KIF13A: variants seen among roughly 807,000 people sequenced by gnomAD.
The protein encoded by KIF13A is kinesin-like protein KIF13A.
KIF13A carries 79 observed loss-of-function variants against 212.2 expected under a neutral mutation model. The ratio of observed to expected loss-of-function variants is 0.37; its 90% CI spans 0.31 to 0.45. The LOEUF (loss-of-function observed/expected upper bound fraction) is 0.45, where lower values mean the gene tolerates loss of function less well. Among genes scored for constraint, KIF13A ranks in the 20% least tolerant of loss-of-function variants. KIF13A has a pLI of 1.00. For synonymous variants in KIF13A, 789 were observed against 808.6 expected, an observed-to-expected ratio of 0.98 and a Z score of 0.41; for missense variants, 1,901 against 2,209.0, an observed-to-expected ratio of 0.86 and a Z score of 2.79.
intron 9 of KIF13A, among the ~76,000 whole-genome samples, chr6:17,841,860 G>A (rs1025272249): frequency 1.3e-5 from 2 of 151,912 alleles, no homozygotes; most frequent in African/African-American, 2.4e-5. Context: ...ATGATGCAGG[G>A]GCTTCTGGAA....
chr6:17,951,422 T>A lies in KIF13A; in HGVS notation c.146+35632A>T, dbSNP rs1360757425. On this transcript the variant is annotated intron_variant, in intron 2 of 38. Coordinates refer to ENST00000259711, the MANE Select transcript of KIF13A (RefSeq NM_022113.6). This position sits in a 1 kb window ranked among gnomAD's most constrained non-coding sequence, Gnocchi z 4.9. ...CTGGAATTAGAGATGTGAGCCACTG[T>A]GACCAGCCTCAATTTAAAAAAAAAA... is the stretch of plus-strand genomic sequence containing the variant. 1 of 575,522 alleles carries A rather than the reference T, an allele frequency of 1.7e-6. No individual in the cohort carries two copies. Among genetic ancestry groups the A allele is most frequent in the Non-Finnish European group, 3.1e-6 (1 of 323,694 alleles). The allele number at this position is 575,522 out of a possible 1,614,324, so 35.7% of individuals were successfully genotyped here.
intron 2 of KIF13A, among the ~76,000 whole-genome samples, chr6:17,977,114 CAAAAAAAA>C (rs398000718): frequency 3.8e-4 from 41 of 106,664 alleles, no homozygotes; most frequent in African/African-American, 9.3e-4. Flanking sequence ...AAAACAACAA[CAAAAAAAA>C]AAAAAAAAAA....
At position 17,794,140 on chromosome 6, in the gene KIF13A, G is replaced by A; in HGVS notation, c.3222+109C>T. ...CAATGGATGGAAATGTGAACTGGGG[G>A]AAGATCTACGGTTAAGGCAAAGAGT... On this transcript the variant is annotated intron_variant, in intron 25 of 38. Coordinates refer to ENST00000259711, the MANE Select transcript of KIF13A (RefSeq NM_022113.6). This position sits in a 1 kb window ranked among gnomAD's most constrained non-coding sequence, Gnocchi z 4.1. 1 of 770,284 alleles carries A rather than the reference G, an allele frequency of 1.3e-6. No homozygotes were observed. 47.7% of individuals were successfully genotyped at this position (770,284 alleles called of 1,614,324 possible).
chr6:17,818,562 C>G (rs1764152582), intron 16 of KIF13A, among the ~76,000 whole-genome samples: 1 of 152,154 alleles, frequency 6.6e-6, no homozygotes, highest in Non-Finnish European at 1.5e-5. Context: ...ATAAAAATGA[C>G]AACCACAATG....
intron 2 of KIF13A, among the ~76,000 whole-genome samples, chr6:17,938,922 C>G (rs1004473468): frequency 1.3e-5 from 2 of 151,764 alleles, no homozygotes; most frequent in African/African-American, 2.4e-5. Context: ...TTCAATTTAG[C>G]CAACCAATCT....
chr6:17,760,197 TTGTCTTA>T (rs1328902172), downstream of KIF13A: 2 of 152,166 alleles, frequency 1.3e-5, no homozygotes, highest in Non-Finnish European at 2.9e-5. Context: ...AGCAAAAATG[TTGTCTTA>T]TGTAAGTTCT....
intron 4 of KIF13A, among the ~76,000 whole-genome samples, chr6:17,870,380 T>C (rs116153984): frequency 0.02 from 3,095 of 152,172 alleles, 45 homozygotes; most frequent in Non-Finnish European, 0.033. Context: ...CTATCTGTAA[T>C]GAAGAGCTAC....
rs1465398929 is a variant in KIF13A at position 17,871,094 on chromosome 6, G to C, written c.220+2283C>G. Among the ~76,000 whole-genome samples the C allele has an allele frequency of 6.6e-6, 1 of 152,154 alleles. No homozygotes were observed. Among genetic ancestry groups the C allele is most frequent in the Non-Finnish European group, 1.5e-5 (1 of 68,016 alleles). The stretch of plus-strand genomic sequence containing the variant: ...TGACACATGTCACTTCCTCTTGTCT[G>C]GATGCCTTCTAGGCTTCCCTTTGAC... On this transcript the variant is annotated intron_variant, in intron 4 of 38. Coordinates refer to ENST00000259711, the MANE Select transcript of KIF13A (RefSeq NM_022113.6). This position sits in a 1 kb window ranked among gnomAD's most constrained non-coding sequence, Gnocchi z 4.4.
intron 2 of KIF13A, among the ~76,000 whole-genome samples, chr6:17,975,563 G>A (rs1448498415): frequency 2.6e-5 from 4 of 152,150 alleles, no homozygotes; most frequent in Non-Finnish European, 5.9e-5. Context: ...AAAGCTTCCA[G>A]TACAGAACAA....
rs1297407018 is a variant in KIF13A, at chr6:17,781,312, C to T, written c.3545-11G>A. On this transcript the variant is annotated splice_polypyrimidine_tract_variant and intron_variant, in intron 29 of 38. Coordinates refer to ENST00000259711, the MANE Select transcript of KIF13A (RefSeq NM_022113.6). Reference sequence around the variant, plus strand: ...CACTGAGGTCATCCGCTAACCACATCAGGAGCACAGAAAAAACAGTAGGGG... The same window carrying T: ...CACTGAGGTCATCCGCTAACCACATTAGGAGCACAGAAAAAACAGTAGGGG... The T allele has an allele frequency of 1.9e-6, 3 of 1,557,898 alleles. No individual in the cohort carries two copies. The highest frequency in any genetic ancestry group is 2.6e-6 in the Non-Finnish European group (3 of 1,157,480).
At chr6:17,880,162 C>G (rs977860716) in intron 3 of KIF13A, among the ~76,000 whole-genome samples, 2 of 152,106 alleles carry the variant, frequency 1.3e-5, no homozygotes, top group Non-Finnish European at 2.9e-5. Context: ...CTGTGTTGCC[C>G]AAGCTAGTCT....
chr6:17,976,332 G>T (rs966643937), intron 2 of KIF13A, among the ~76,000 whole-genome samples: 1 of 152,352 alleles, frequency 6.6e-6, no homozygotes, highest in South Asian at 2.1e-4. Flanking sequence ...GCCCTGCCCC[G>T]CTGTAAGGCA....
chr6:17,865,394 G>C (rs1769262707), intron 4 of KIF13A, among the ~76,000 whole-genome samples: 1 of 152,084 alleles, frequency 6.6e-6, no homozygotes, highest in Non-Finnish European at 1.5e-5. Context: ...TCATTTGTGA[G>C]GGTGTTTTTT....
At chr6:17,780,435 A>G (rs1760460112) in intron 31 of KIF13A, among the ~76,000 whole-genome samples, 1 of 152,192 alleles carries the variant, frequency 6.6e-6, no homozygotes, top group Admixed American at 6.5e-5. Flanking sequence ...TGGACCTGGC[A>G]CTTAATCTCT....
At chr6:17,790,130 C>G (rs548071531) in intron 25 of KIF13A, among the ~76,000 whole-genome samples, 1 of 152,312 alleles carries the variant, frequency 6.6e-6, no homozygotes, top group South Asian at 2.1e-4. Context: ...AAAAACTTGG[C>G]TGGGCTCATG....
intron 20 of KIF13A, among the ~76,000 whole-genome samples, chr6:17,802,861 A>C (rs999435572): frequency 1.3e-5 from 2 of 151,438 alleles, no homozygotes; most frequent in Non-Finnish European, 2.9e-5. Flanking sequence ...CTCCCACCTC[A>C]GCCTCCTGAG....
rs1340803114 is a variant in KIF13A at position 17,850,504 on chromosome 6, T to C, written c.583-47A>G. On this transcript the variant is annotated intron_variant, in intron 7 of 38. Transcript: ENST00000259711. This position sits in a 1 kb window ranked among gnomAD's most constrained non-coding sequence, Gnocchi z 6.2. ...AAGACCATAAGCAAAAACACAAGAATGTAGTCCTGCACACCAGGTATATGT... is the reference window on the plus strand; with the variant it reads ...AAGACCATAAGCAAAAACACAAGAACGTAGTCCTGCACACCAGGTATATGT... The C allele has an allele frequency of 3.8e-6, 6 of 1,562,236 alleles. No individual in the cohort carries two copies. The South Asian group carries it at 5.9e-5, about 15-fold the overall frequency.
chr6:17,832,641 A>G (rs1489372034), intron 12 of KIF13A, among the ~76,000 whole-genome samples: 1 of 151,642 alleles, frequency 6.6e-6, no homozygotes, highest in Non-Finnish European at 1.5e-5. Context: ...CCATCTCAAT[A>G]AAAAATTAAA....
At chr6:17,779,258 T>TATATATATATATA (rs930789162) in intron 32 of KIF13A, among the ~76,000 whole-genome samples, 159 bp from the exon 33 acceptor site, 3 of 6,354 alleles carry the variant, frequency 4.7e-4, no homozygotes, top group Non-Finnish European at 7.8e-4. Flanking sequence ...TATATATATA[T>TATATATATATATA]TTTTTTTTTT....
Sources: gnomAD v4.1 joint callset for allele counts (sites outside exome capture counted in the v4.1 genomes callset) on GRCh38, gnomAD v4.1.1 for gene constraint, Gnocchi (gnomAD v3.1) non-coding constraint, MANE v1.5 for transcripts, NCBI Gene and HGNC (gene_info 2026-07-23, HGNC 2026-07-21) for gene names.